Variants in TNRC6B observed in about 807,000 individuals in gnomAD.
The protein encoded by TNRC6B is trinucleotide repeat-containing gene 6B protein.
Under a neutral mutation model 203.6 loss-of-function variants are expected in TNRC6B, and 52 were observed. That is an observed-to-expected ratio of 0.26 (90% CI 0.20 to 0.32). The LOEUF is 0.32. Among genes scored for constraint, TNRC6B ranks in the 10% least tolerant of loss-of-function variants. The probability of loss-of-function intolerance (pLI) is 1.00; values close to 1 mark genes in which losing one functional copy is unlikely to be tolerated. For synonymous variants in TNRC6B, 838 were observed against 845.7 expected (o/e 0.99, Z 0.16); for missense variants, 1,923 against 2,286.2 (o/e 0.84, Z 3.24).
intron 1 of TNRC6B, among the ~76,000 whole-genome samples, chr22:40,201,832 G>A (rs2069416297): frequency 6.6e-6 from 1 of 152,080 alleles, no homozygotes; most frequent in Non-Finnish European, 1.5e-5. Flanking sequence ...ACGATACTGA[G>A]AGTGCTCATT....
chr22:40,161,358 A>C (rs1489996075), intron 4 of TNRC6B, among the ~76,000 whole-genome samples: 1 of 152,196 alleles, frequency 6.6e-6, no homozygotes, highest in Non-Finnish European at 1.5e-5. Flanking sequence ...AGCCCATTTC[A>C]CTTACAGAGG....
intron 7 of TNRC6B, among the ~76,000 whole-genome samples, chr22:40,274,443 C>T (rs554823083): frequency 6.9e-4 from 100 of 144,072 alleles, no homozygotes; most frequent in Non-Finnish European, 6.3e-4. Flanking sequence ...TTTTTTGAGA[C>T]GGAGTCTTGC....
intron 1 of TNRC6B, among the ~76,000 whole-genome samples, chr22:40,068,562 C>T (rs541109660): frequency 1.3e-5 from 2 of 152,190 alleles, no homozygotes; most frequent in South Asian, 2.1e-4. Context: ...AGGTGATCCT[C>T]CTGCCTTGGC....
intron 3 of TNRC6B, among the ~76,000 whole-genome samples, chr22:40,130,449 C>T (rs959559772): frequency 6.6e-6 from 1 of 152,104 alleles, no homozygotes; most frequent in Admixed American, 6.6e-5. Context: ...AGAGGAAAGG[C>T]TTGGAATTGC....
At chr22:40,225,717 T>G (rs2069774381) in intron 1 of TNRC6B, among the ~76,000 whole-genome samples, 1 of 120,698 alleles carries the variant, frequency 8.3e-6, no homozygotes, top group Non-Finnish European at 1.6e-5. Context: ...CACTCCAGCC[T>G]GAGCGACAGA....
intron 3 of TNRC6B, among the ~76,000 whole-genome samples, chr22:40,152,322 T>TTTTG (rs901255166): frequency 1.3e-5 from 2 of 152,008 alleles, no homozygotes; most frequent in African/African-American, 2.4e-5. Flanking sequence ...ACTTCAACGT[T>TTTTG]TTTGTTTGTT....
At chr22:40,131,405 A>AT (rs34219543) in intron 3 of TNRC6B, among the ~76,000 whole-genome samples, 7,465 of 146,724 alleles carry the variant, frequency 0.051, 564 homozygotes, top group African/African-American at 0.16. Flanking sequence ...GAGTTTAGGG[A>AT]TTTTTTTTTT....
At chr22:40,298,301 A>G (rs1323823289) in intron 12 of TNRC6B, among the ~76,000 whole-genome samples, 1 of 152,206 alleles carries the variant, frequency 6.6e-6, no homozygotes, top group African/African-American at 2.4e-5. Context: ...TTGACATCTT[A>G]GGCATTGTTC....
intron 4 of TNRC6B, among the ~76,000 whole-genome samples, chr22:40,156,465 G>A (rs866207765): frequency 1.6e-4 from 24 of 152,278 alleles, no homozygotes; most frequent in Admixed American, 3.9e-4. Context: ...AACTAATTCT[G>A]TTTGGTTGAT....
At chr22:40,189,212 A>G (rs2146391307) in intron 1 of TNRC6B, among the ~76,000 whole-genome samples, 1 of 152,290 alleles carries the variant, frequency 6.6e-6, no homozygotes, top group African/African-American at 2.4e-5. Context: ...CCATACTGAG[A>G]AGTGGCTATT....
rs1601912513 is a variant in TNRC6B at position 40,240,954 on chromosome 22, A to T, written c.6-5061A>T. Among the ~76,000 whole-genome samples the T allele has an allele frequency of 3.3e-5, 5 of 152,260 alleles. No homozygotes were observed. The Middle Eastern group carries it at 0.017, about 518-fold the overall frequency. ...GGGAGGTTTGATTTTTGAGACATAA[A>T]TCAGGTAATAATGTTTTCAAGTGTA... On this transcript the variant is annotated intron_variant, in intron 1 of 22. Transcript: ENST00000454349.
intron 1 of TNRC6B, among the ~76,000 whole-genome samples, chr22:40,081,927 CATT>C (rs2068066767): frequency 6.7e-6 from 1 of 150,146 alleles, no homozygotes; most frequent in Non-Finnish European, 1.5e-5. Flanking sequence ...TCGGTGGTGC[CATT>C]ATTCTCTTTA....
chr22:40,322,761 C>CTGCACATTCAATG, intron 22 of TNRC6B, 93 bp from the exon 23 acceptor site: 2 of 1,451,808 alleles, frequency 1.4e-6, no homozygotes, highest in Non-Finnish European at 1.9e-6. Flanking sequence ...AGTCAAAGGA[C>CTGCACATTCAATG]TGCACATTGA....
intron 15 of TNRC6B, among the ~76,000 whole-genome samples, chr22:40,304,049 T>G (rs750654792): frequency 5.9e-5 from 9 of 152,230 alleles, no homozygotes; most frequent in Non-Finnish European, 1.3e-4. Context: ...ATATAGAAAT[T>G]AAAAAATTTT....
chr22:40,257,995 C>G (rs932964926), intron 3 of TNRC6B, among the ~76,000 whole-genome samples: 1 of 143,466 alleles, frequency 7.0e-6, no homozygotes, highest in Non-Finnish European at 1.5e-5. Flanking sequence ...GCCTGGGCAA[C>G]AGAGCAAGAC....
chr22:40,073,652 A>C (rs1156694357), intron 1 of TNRC6B, among the ~76,000 whole-genome samples: 1 of 152,202 alleles, frequency 6.6e-6, no homozygotes, highest in Non-Finnish European at 1.5e-5. Flanking sequence ...AGTGGCTCAC[A>C]GCTGTAATTC....
intron 1 of TNRC6B, among the ~76,000 whole-genome samples, chr22:40,113,914 C>A (rs1424385851): frequency 6.6e-6 from 1 of 152,088 alleles, no homozygotes; most frequent in Non-Finnish European, 1.5e-5. Flanking sequence ...CAGTTGCCAA[C>A]AATGTAGGCA....
upstream of TNRC6B, chr22:40,177,865 A>G: frequency 6.1e-6 from 8 of 1,314,486 alleles, no homozygotes; most frequent in Non-Finnish European, 6.8e-6. Context: ...CTGATTGACA[A>G]ACCTACCCGA....
At chr22:40,061,043 G>A (rs1438324893) in intron 1 of TNRC6B, among the ~76,000 whole-genome samples, 1 of 152,134 alleles carries the variant, frequency 6.6e-6, no homozygotes, top group South Asian at 2.1e-4. Context: ...TTTGCAAGCC[G>A]ACTTTTCCAA....
Sources: gnomAD v4.1 joint callset for allele counts (sites outside exome capture counted in the v4.1 genomes callset) on GRCh38, gnomAD v4.1.1 for gene constraint, MANE v1.5 for transcripts, NCBI Gene and HGNC (gene_info 2026-07-23, HGNC 2026-07-21) for gene names.